ZC3H4: variants seen among roughly 807,000 people sequenced by gnomAD.
ZC3H4 encodes zinc finger CCCH domain-containing protein 4.
In ZC3H4, 13 loss-of-function variants were observed where a neutral mutation model predicts 108.3. The ratio of observed to expected loss-of-function variants is 0.12; its 90% CI spans 0.08 to 0.19. The LOEUF (loss-of-function observed/expected upper bound fraction) is 0.19. Among genes scored for constraint, ZC3H4 ranks in the 10% least tolerant of loss-of-function variants. ZC3H4 has a pLI of 1.00. For synonymous variants in ZC3H4, 917 were observed against 749.6 expected (o/e 1.22, Z -3.65); for missense variants, 1,734 against 1,838.8 (o/e 0.94, Z 1.04).
At chr19:47,101,985 G>A (rs2057910123) in intron 2 of ZC3H4, among the ~76,000 whole-genome samples, 1 of 152,142 alleles carries the variant, frequency 6.6e-6, no homozygotes, top group Non-Finnish European at 1.5e-5. Context: ...AGTAAGCTGA[G>A]ACCATGCCAT....
intron 11 of ZC3H4, among the ~76,000 whole-genome samples, chr19:47,075,040 G>A (rs1298036866): frequency 6.6e-6 from 1 of 152,172 alleles, no homozygotes; most frequent in Non-Finnish European, 1.5e-5. Context: ...ACAGCAAGGC[G>A]GACAGAAACA....
chr19:47,085,018 C>T, intron 8 of ZC3H4, 38 bp downstream of exon 8: 1 of 1,611,180 alleles, frequency 6.2e-7, no homozygotes, highest in Non-Finnish European at 8.5e-7. Context: ...AAGAAGGGAC[C>T]TTGGCCCAAA....
At chr19:47,102,379 T>C (rs2057914610) in intron 2 of ZC3H4, among the ~76,000 whole-genome samples, 1 of 152,210 alleles carries the variant, frequency 6.6e-6, no homozygotes, top group African/African-American at 2.4e-5. Flanking sequence ...CACCCTGAAA[T>C]GTATAATCGA....
intron 11 of ZC3H4, among the ~76,000 whole-genome samples, chr19:47,074,912 T>C (rs2057392599): frequency 6.6e-6 from 1 of 152,162 alleles, no homozygotes; most frequent in South Asian, 2.1e-4. Flanking sequence ...GTTAACATCT[T>C]GGCCGTGAGT....
At chr19:47,077,260 G>A (rs2057439895) in intron 11 of ZC3H4, among the ~76,000 whole-genome samples, 1 of 151,986 alleles carries the variant, frequency 6.6e-6, no homozygotes, top group South Asian at 2.1e-4. Flanking sequence ...CCTGAGGTCA[G>A]GTGTTCGAGA....
rs1044335031 is a variant in ZC3H4 at position 47,066,228 on chromosome 19, GCAAAAGAAAAA to G, written c.*117_*127del. The stretch of plus-strand genomic sequence containing the variant: ...TAAAAAAAAATAAAAGAGACGGAAA[GCAAAAGAAAAA>G]GAAAAGAAAAAAGGAACACCCAGCC... On this transcript the variant is annotated 3_prime_UTR_variant, in exon 15 of 15. Transcript: ENST00000253048. The G allele has an allele frequency of 3.1e-4, 215 of 689,270 alleles. 1 individual carries two copies. Among genetic ancestry groups the G allele is most frequent in the Middle Eastern group, 2.1e-3 (5 of 2,356 alleles). The allele number at this position is 689,270 out of a possible 1,614,324, so 42.7% of individuals were successfully genotyped here.
chr19:47,099,193 C>T (rs2057868234), intron 2 of ZC3H4, among the ~76,000 whole-genome samples: 1 of 152,040 alleles, frequency 6.6e-6, no homozygotes, highest in African/African-American at 2.4e-5. Flanking sequence ...GGCGCGGTGG[C>T]TCACGTCTGT....
intron 5 of ZC3H4, among the ~76,000 whole-genome samples, chr19:47,087,360 GAAGT>G (rs1163725513): frequency 3.3e-5 from 5 of 151,340 alleles, no homozygotes; most frequent in South Asian, 2.1e-4. Context: ...ATTACACGTT[GAAGT>G]AAGATTTTAA....
At chr19:47,106,318 A>T (rs1330606543) in intron 2 of ZC3H4, among the ~76,000 whole-genome samples, 2 of 152,202 alleles carry the variant, frequency 1.3e-5, no homozygotes, top group Admixed American at 6.5e-5. Context: ...ATGGTGGCTT[A>T]TACCTGTAAT....
chr19:47,110,961 G>A, intron 2 of ZC3H4: 3 of 982,364 alleles, frequency 3.1e-6, no homozygotes, highest in Non-Finnish European at 3.6e-6. Flanking sequence ...TATGGTCTGT[G>A]AAGGAGAAAG....
chr19:47,112,528 T>A lies in ZC3H4; in HGVS notation c.57A>T (p.Pro19=). The A allele has an allele frequency of 9.4e-7, 1 of 1,066,832 alleles. No individual in the cohort carries two copies. The highest frequency in any genetic ancestry group is 3.3e-5 in the East Asian group (1 of 30,660). 66.1% of individuals were successfully genotyped at this position (1,066,832 alleles called of 1,614,324 possible). ...AAGGCGTTGATGGCGGCGGCGGCGA[T>A]GGCGGCGGCGGCGACTCTGATGGCG... ...PPPPSESPPP[P]SPPPPSTPSP... is the part of the protein sequence containing the mutation. The change falls in exon 2 of 15, where the codon CCA becomes CCT. Residue 19 remains proline (P), a synonymous_variant. Coordinates refer to ENST00000253048, the MANE Select transcript of ZC3H4 (RefSeq NM_015168.2).
rs2057167348 is a variant in ZC3H4, at chr19:47,064,229, C to A, written c.*2127G>T. The A allele has an allele frequency of 6.6e-6, 1 of 152,564 alleles. No homozygotes were observed. Among genetic ancestry groups the A allele is most frequent in the African/African-American group, 2.4e-5 (1 of 41,428 alleles). The allele number at this position is 152,564 out of a possible 1,614,324, so 9.5% of individuals were successfully genotyped here. A position where few individuals can be genotyped will look rare whatever the true frequency, so the allele number is the denominator to read the frequency against. ...TCCTTTAATGGCAGTAATACAATTA[C>A]TGGATTAAGAGACCACAGGAGAAAG... On this transcript the variant is annotated 3_prime_UTR_variant, in exon 15 of 15. Transcript: ENST00000253048.
intron 4 of ZC3H4, 120 bp from the exon 5 acceptor site, chr19:47,090,309 G>A: frequency 2.7e-6 from 3 of 1,106,592 alleles, no homozygotes; most frequent in Non-Finnish European, 3.9e-6. Context: ...ACTGTCCCAG[G>A]GTTGCACTGC....
rs1274945855 is a variant in ZC3H4, at chr19:47,072,875, C to CA, written c.1441-163dup. Among the ~76,000 whole-genome samples the CA allele has an allele frequency of 1.3e-5, 2 of 152,130 alleles. No homozygotes were observed. The highest frequency in any genetic ancestry group is 2.9e-5 in the Non-Finnish European group (2 of 68,012). On this transcript the variant is annotated intron_variant, in intron 11 of 14. Transcript: ENST00000253048. The surrounding 1 kb of genome is among the most constrained non-coding windows in gnomAD (Gnocchi z 5.6). ...ATGGCTCTGTAACAAAAATCATCAT[C>CA]AGCCACCTCTCTGCTCCACTCTCGG...
At chr19:47,069,002 C>G (rs1599961570) in intron 14 of ZC3H4, 90 bp downstream of exon 14, 3 of 1,580,574 alleles carry the variant, frequency 1.9e-6, no homozygotes, top group Non-Finnish European at 1.7e-6. Flanking sequence ...TCCTTCCTGA[C>G]AGGAAACCCA....
At position 47,084,310 on chromosome 19, in the gene ZC3H4, C is replaced by T. The variant is rs13345105; in HGVS notation, c.1218+35G>A. ...GCCATGTGTCCTCTGGGGGCTATGG[C>T]CTCCTAGAGGTGCCCAGCTTTCAGC... is the stretch of plus-strand genomic sequence containing the variant. On this transcript the variant is annotated intron_variant, in intron 9 of 14. Transcript: ENST00000253048. 5,798 of 1,593,526 alleles carry T rather than the reference C, an allele frequency of 3.6e-3. 129 individuals carry two copies. In the African/African-American group the frequency reaches 0.054, roughly 15 times the overall value.
At chr19:47,108,630 G>A (rs551673039) in intron 2 of ZC3H4, among the ~76,000 whole-genome samples, 3 of 152,154 alleles carry the variant, frequency 2.0e-5, no homozygotes, top group Non-Finnish European at 2.9e-5. Context: ...TCTTTAACTT[G>A]CCAGGCAGTT....
chr19:47,067,186 C>T lies in ZC3H4; in HGVS notation c.3082G>A (p.Gly1028Ser), dbSNP rs1450932754. The T allele has an allele frequency of 5.6e-6, 9 of 1,610,198 alleles. No individual in the cohort carries two copies. The highest frequency in any genetic ancestry group is 2.2e-5 in the East Asian group (1 of 44,808). The change falls in exon 15 of 15, where the codon GGC (glycine) becomes AGC (serine). Residue 1028 changes from glycine to serine, a missense_variant. Transcript: ENST00000253048. The surrounding 1 kb of genome is among the most constrained non-coding windows in gnomAD (Gnocchi z 6.4). ...AGPPNARQRP[G>S]ASTDSSTQGA... ...TGTGTGCTGGAATCCGTGGAGGCGC[C>T]CGGGCGCTGCCGGGCGTTGGGGGGC...
intron 2 of ZC3H4, among the ~76,000 whole-genome samples, chr19:47,103,690 G>A (rs950338875): frequency 1.3e-5 from 2 of 151,510 alleles, no homozygotes; most frequent in Non-Finnish European, 2.9e-5. Flanking sequence ...ACTTTGGGAG[G>A]ACGAGGCGGG....
Sources: gnomAD v4.1 joint callset for allele counts (sites outside exome capture counted in the v4.1 genomes callset) on GRCh38, gnomAD v4.1.1 for gene constraint, Gnocchi (gnomAD v3.1) non-coding constraint, MANE v1.5 for transcripts, NCBI Gene and HGNC (gene_info 2026-07-23, HGNC 2026-07-21) for gene names.